The following NAA60 variants were observed in gnomAD, a reference collection of about 807,000 sequenced individuals.
NAA60 encodes the protein N-alpha-acetyltransferase 60.
NAA60 carries 8 observed loss-of-function variants against 26.1 expected under a neutral mutation model. The observed-to-expected ratio is 0.31, with a 90% CI of 0.18 to 0.55. The LOEUF (loss-of-function observed/expected upper bound fraction) is 0.55, where lower values mean the gene tolerates loss of function less well. NAA60 is among the 20% of genes least tolerant of loss of function. The probability of loss-of-function intolerance (pLI) is 0.93; values close to 1 mark genes in which losing one functional copy is unlikely to be tolerated. For missense variants in NAA60, 290 were observed against 311.3 expected (o/e 0.93, Z 0.51); for synonymous variants, 131 against 122.5 (o/e 1.07, Z -0.46).
chr16:3,463,407 G>A (rs1223633752), intron 2 of NAA60, among the ~76,000 whole-genome samples: 1 of 151,266 alleles, frequency 6.6e-6, no homozygotes, highest in Non-Finnish European at 1.5e-5. Context: ...AAAATTACCT[G>A]AGTGTAGTAA....
intron 2 of NAA60, among the ~76,000 whole-genome samples, chr16:3,473,508 G>T (rs959920365): frequency 1.4e-4 from 21 of 152,110 alleles, no homozygotes; most frequent in African/African-American, 4.8e-4. Flanking sequence ...CTCCCACCAG[G>T]TCCCTCCCAG....
In NAA60 at chr16:3,479,469, A is replaced by G. The variant is rs1173888226; in HGVS notation, c.111-2A>G. Reference sequence around the variant, plus strand: ...TTCACCTGAGTATGTTCTGTTTCTCAGGTACCCAGACTCATGGTATCGTGA... The same window carrying G: ...TTCACCTGAGTATGTTCTGTTTCTCGGGTACCCAGACTCATGGTATCGTGA... On this transcript the variant is annotated splice_acceptor_variant, in intron 3 of 7. Transcript: ENST00000407558. LOFTEE classifies it high-confidence loss of function. 1 of 1,613,588 alleles carries G rather than the reference A, an allele frequency of 6.2e-7. No individual in the cohort carries two copies. Among genetic ancestry groups the G allele is most frequent in the East Asian group, 2.2e-5 (1 of 44,900 alleles).
intron 1 of NAA60, among the ~76,000 whole-genome samples, chr16:3,444,687 C>A (rs1387631098): frequency 6.6e-6 from 1 of 152,170 alleles, no homozygotes; most frequent in African/African-American, 2.4e-5. Flanking sequence ...GTTCAAAGAG[C>A]AGTTACAGGT....
In NAA60 at chr16:3,448,393, G is replaced by T. The variant is rs1248009509; in HGVS notation, c.-76-78G>T. ...ATACTCTGAGATCCAGGGTTTGTCT[G>T]ACACTCATTAGCCTATGAGTTGTAG... On this transcript the variant is annotated intron_variant, in intron 1 of 7. Coordinates refer to ENST00000407558, the MANE Select transcript of NAA60 (RefSeq NM_001083601.3). 4 of 1,191,876 alleles carry T rather than the reference G, an allele frequency of 3.4e-6. No individual in the cohort carries two copies. In the East Asian group the frequency reaches 7.9e-5, roughly 23 times the overall value. The allele number at this position is 1,191,876 out of a possible 1,614,324, so 73.8% of individuals were successfully genotyped here.
At chr16:3,446,619 G>GTTT (rs34330542) in intron 1 of NAA60, among the ~76,000 whole-genome samples, 2 of 138,716 alleles carry the variant, frequency 1.4e-5, no homozygotes, top group Non-Finnish European at 3.1e-5. Flanking sequence ...TTTATTATTT[G>GTTT]TTTTTTTTTT....
chr16:3,481,372 ACCGTGC>A (rs1348939019), intron 4 of NAA60, among the ~76,000 whole-genome samples: 1 of 152,152 alleles, frequency 6.6e-6, no homozygotes, highest in Non-Finnish European at 1.5e-5. Context: ...GGTGTGAGCC[ACCGTGC>A]CCAGCCTGAT....
intron 6 of NAA60, chr16:3,484,449 G>A: frequency 1.7e-6 from 1 of 572,688 alleles, no homozygotes; most frequent in Non-Finnish European, 3.1e-6. Context: ...TGGGTGTGGT[G>A]TCCACATGCC....
Position 3,448,505 on chromosome 16 carries a change from C to T in NAA60, c.-42C>T, listed in dbSNP as rs559719252. 36 of 1,535,544 alleles carry T rather than the reference C, an allele frequency of 2.3e-5. No individual in the cohort carries two copies. The highest frequency in any genetic ancestry group is 5.9e-5 in the Admixed American group (3 of 50,984). ...AGGCTGTACCTGGAGGAAGGAAGTG[C>T]GGAGCCAGCCTGAGTTGGGAGAAGA... On this transcript the variant is annotated 5_prime_UTR_variant, in exon 2 of 8. Coordinates refer to ENST00000407558, the MANE Select transcript of NAA60 (RefSeq NM_001083601.3).
At chr16:3,455,019 T>C (rs945948894) in intron 2 of NAA60, among the ~76,000 whole-genome samples, 25 of 152,348 alleles carry the variant, frequency 1.6e-4, no homozygotes, top group African/African-American at 5.5e-4. Context: ...ACATAAGCCG[T>C]GGAGAAATAG....
At chr16:3,471,233 T>C (rs1297297235) in intron 2 of NAA60, among the ~76,000 whole-genome samples, 3 of 152,034 alleles carry the variant, frequency 2.0e-5, no homozygotes, top group Admixed American at 2.0e-4. Context: ...CCGGGCGCGG[T>C]GCTCACACCT....
intron 2 of NAA60, among the ~76,000 whole-genome samples, chr16:3,466,178 C>G (rs1352081346): frequency 2.0e-5 from 3 of 152,218 alleles, no homozygotes. Context: ...TTGGCCAGTT[C>G]CAGAGTGTCA....
intron 2 of NAA60, chr16:3,462,607 C>G (rs138820422): frequency 2.0e-5 from 3 of 152,158 alleles, no homozygotes; most frequent in African/African-American, 4.8e-5. Context: ...GAAAAGTGCA[C>G]TGCTTGATGA....
intron 2 of NAA60, among the ~76,000 whole-genome samples, chr16:3,452,045 C>G (rs2034806432): frequency 6.6e-6 from 1 of 151,646 alleles, no homozygotes; most frequent in African/African-American, 2.4e-5. Context: ...GAGACTCTGC[C>G]TCTACAAAAA....
chr16:3,448,667 T>C lies in NAA60; in HGVS notation c.-7+127T>C, dbSNP rs1596280957. The C allele has an allele frequency of 1.4e-5, 10 of 728,584 alleles. No individual in the cohort carries two copies. In the East Asian group the frequency reaches 2.6e-4, roughly 19 times the overall value. 45.1% of individuals were successfully genotyped at this position (728,584 alleles called of 1,614,324 possible). ...TCTCTTAATTTTTAGTACTGAATGATAGAAGGCGCCTAGTGAAACAAATGC... is the reference window on the plus strand; with the variant it reads ...TCTCTTAATTTTTAGTACTGAATGACAGAAGGCGCCTAGTGAAACAAATGC... On this transcript the variant is annotated intron_variant, in intron 2 of 7. Coordinates refer to ENST00000407558, the MANE Select transcript of NAA60 (RefSeq NM_001083601.3).
At chr16:3,449,544 G>A (rs1364778851) in intron 2 of NAA60, among the ~76,000 whole-genome samples, 1 of 151,966 alleles carries the variant, frequency 6.6e-6, no homozygotes, top group East Asian at 1.9e-4. Flanking sequence ...ATTTAGCCAG[G>A]CATGGTGGCG....
chr16:3,458,696 A>G (rs2035167949), intron 2 of NAA60, among the ~76,000 whole-genome samples: 1 of 152,124 alleles, frequency 6.6e-6, no homozygotes, highest in Non-Finnish European at 1.5e-5. Context: ...CCTGAAAGCC[A>G]GGGGCTCCGT....
intron 2 of NAA60, chr16:3,472,264 G>C (rs2036199312): frequency 6.6e-6 from 1 of 152,200 alleles, no homozygotes; most frequent in African/African-American, 2.4e-5. Context: ...CATGGTGGCA[G>C]CTGCGGCACA....
At chr16:3,466,724 G>T (rs1002492017) in intron 2 of NAA60, among the ~76,000 whole-genome samples, 1 of 152,168 alleles carries the variant, frequency 6.6e-6, no homozygotes, top group Non-Finnish European at 1.5e-5. Context: ...GGCAGGACTG[G>T]GGTGGTGCTT....
chr16:3,448,674 C>T (rs796914663), intron 2 of NAA60, 134 bp downstream of exon 2: 31 of 689,648 alleles, frequency 4.5e-5, no homozygotes, highest in African/African-American at 4.0e-4. Context: ...TGATAGAAGG[C>T]GCCTAGTGAA....
Sources: allele counts gnomAD v4.1 joint callset (sites outside exome capture counted in the v4.1 genomes callset), GRCh38; gene constraint gnomAD v4.1.1; transcripts MANE v1.5; gene names NCBI Gene and HGNC (gene_info 2026-07-23, HGNC 2026-07-21).